The following SSPN variants were observed in gnomAD, a reference collection of about 807,000 sequenced individuals.
The protein encoded by SSPN is sarcospan, also known as K-ras oncogene-associated protein.
In SSPN, 15 loss-of-function variants were observed where a neutral mutation model predicts 19.1. That is an observed-to-expected ratio of 0.78 (90% CI 0.52 to 1.21). The LOEUF (loss-of-function observed/expected upper bound fraction) is 1.21. Ranked by LOEUF, SSPN falls within the 50% of genes most tolerant of loss-of-function variation. The probability of loss-of-function intolerance (pLI) is 0.00; values close to 1 mark genes in which losing one functional copy is unlikely to be tolerated. For synonymous variants in SSPN, 147 were observed against 140.3 expected (o/e 1.05, Z -0.34); for missense variants, 291 against 314.0 (o/e 0.93, Z 0.55).
At chr12:26,146,917 A>G (rs1944495604) in intron 1 of SSPN, among the ~76,000 whole-genome samples, 1 of 152,184 alleles carries the variant, frequency 6.6e-6, no homozygotes, top group African/African-American at 2.4e-5. Context: ...CAGTATGTAT[A>G]TTACATACTT....
rs190375136 is a variant in SSPN, at chr12:26,148,537, C to T, written c.-31+26385C>T. 2.3e-3 allele frequency among the ~76,000 whole-genome samples: 343 copies of T among 152,252 alleles called. 1 individual carries two copies. The highest frequency in any genetic ancestry group is 8.1e-3 in the African/African-American group (335 of 41,558). Reference sequence around the variant, plus strand: ...GTGGATGTAAGTGAAAAATTCAAGGCTTGGAGCAGGCCGTGATTCCTCTAC... The same window carrying T: ...GTGGATGTAAGTGAAAAATTCAAGGTTTGGAGCAGGCCGTGATTCCTCTAC... On this transcript the variant is annotated intron_variant, in intron 1 of 2. Coordinates refer to the SSPN transcript ENST00000538142.
chr12:26,122,570 C>T (rs1944320148), intron 1 of SSPN: 7 of 1,118,016 alleles, frequency 6.3e-6, no homozygotes, highest in Non-Finnish European at 7.6e-6. Context: ...CGGGTCTCAG[C>T]AGCGCGGCCG....
In SSPN at chr12:26,232,064, G is replaced by A. The variant is rs952291182; in HGVS notation, c.*988G>A. ...AACACCCATTTAAACAAAAACAAGA[G>A]CATTTGTAATAGGAAGTGTTTATAC... On this transcript the variant is annotated 3_prime_UTR_variant, in exon 3 of 3. Coordinates refer to ENST00000242729, the MANE Select transcript of SSPN (RefSeq NM_005086.5). 4.1e-5 allele frequency: 40 copies of A among 985,166 alleles called. 1 individual carries two copies. The African/African-American group carries it at 4.5e-4, about 11-fold the overall frequency. The allele number at this position is 985,166 out of a possible 1,614,324, so 61.0% of individuals were successfully genotyped here.
intron 1 of SSPN, among the ~76,000 whole-genome samples, chr12:26,223,531 TG>T (rs1945145219): frequency 6.6e-6 from 1 of 152,240 alleles, no homozygotes; most frequent in Admixed American, 6.5e-5. Flanking sequence ...TTTTAAACTA[TG>T]GGTGTGCATT....
intron 2 of SSPN, among the ~76,000 whole-genome samples, chr12:26,225,837 A>G (rs1025087912): frequency 4.0e-5 from 6 of 151,826 alleles, no homozygotes; most frequent in African/African-American, 1.5e-4. Context: ...GAACACCCCA[A>G]ACTAGGTTTT....
In SSPN at chr12:26,174,511, T is replaced by TCCTTCCTTCCTTC. The variant is rs1565678369; in HGVS notation, c.-30-49780_-30-49768dup. ...TCCTTCCTTCCTTCCTTCCCTTCCT[T>TCCTTCCTTCCTTC]CCTTCCTTCCTTCCTTCCTTTCTTT... On this transcript the variant is annotated intron_variant, in intron 1 of 2. Coordinates refer to the SSPN transcript ENST00000538142. Among the ~76,000 whole-genome samples, 84 of 145,876 alleles carry TCCTTCCTTCCTTC rather than the reference T, an allele frequency of 5.8e-4. 1 individual carries two copies. In the East Asian group the frequency reaches 7.0e-3, roughly 12 times the overall value.
At chr12:26,147,256 T>C (rs1261508212) in intron 1 of SSPN, among the ~76,000 whole-genome samples, 3 of 129,074 alleles carry the variant, frequency 2.3e-5, no homozygotes, top group Non-Finnish European at 4.9e-5. Context: ...ATGAAAACGA[T>C]AATTTTTGGG....
intron 1 of SSPN, among the ~76,000 whole-genome samples, chr12:26,132,702 T>A (rs1056993443): frequency 6.6e-6 from 1 of 152,186 alleles, no homozygotes; most frequent in African/African-American, 2.4e-5. Flanking sequence ...CATATACAAT[T>A]TCACTGTATG....
At chr12:26,124,832 A>G (rs1433845421) in intron 1 of SSPN, 1 of 1,576,034 alleles carries the variant, frequency 6.3e-7, no homozygotes, top group African/African-American at 1.4e-5. Context: ...CTGTACAATA[A>G]TCTGTGGGAC....
intron 1 of SSPN, among the ~76,000 whole-genome samples, chr12:26,207,827 C>CA (rs956625382): frequency 3.3e-5 from 5 of 151,996 alleles, no homozygotes; most frequent in Non-Finnish European, 7.4e-5. Flanking sequence ...CCCGTCTCTA[C>CA]AAAAAATACT....
At chr12:26,191,696 AC>A (rs1591870893), upstream of SSPN, among the ~76,000 whole-genome samples, 18 of 69,834 alleles carry the variant, frequency 2.6e-4, no homozygotes, top group Admixed American at 2.1e-3. Context: ...ACACACACAC[AC>A]ACACACACAC....
chr12:26,125,219 G>A, intron 1 of SSPN: 1 of 262,594 alleles, frequency 3.8e-6, no homozygotes, highest in South Asian at 4.4e-5. Context: ...CAGGGCCACC[G>A]GAAAGGAAAA....
chr12:26,221,572 G>C (rs778336782), intron 1 of SSPN, among the ~76,000 whole-genome samples: 2 of 151,130 alleles, frequency 1.3e-5, no homozygotes, highest in African/African-American at 4.8e-5. Context: ...CTTTCTGGAA[G>C]CCAGGGTAAA....
rs1469005836 is a variant in SSPN at position 26,232,381 on chromosome 12, T to C, written c.*1305T>C. ...GGAGACTTCTCTCTGTGATTATTGT[T>C]GCTATTAAATTCTGAACTGTATCCA... On this transcript the variant is annotated 3_prime_UTR_variant, in exon 3 of 3. Transcript: ENST00000242729. 1.0e-6 allele frequency: 1 copy of C among 985,352 alleles called. No homozygotes were observed. Among genetic ancestry groups the C allele is most frequent in the African/African-American group, 1.7e-5 (1 of 57,242 alleles). The allele number at this position is 985,352 out of a possible 1,614,324, so 61.0% of individuals were successfully genotyped here. A position where few individuals can be genotyped will look rare whatever the true frequency, so the allele number is the denominator to read the frequency against.
intron 1 of SSPN, among the ~76,000 whole-genome samples, chr12:26,131,185 T>G (rs1253990749): frequency 2.0e-5 from 3 of 152,234 alleles, no homozygotes; most frequent in African/African-American, 7.2e-5. Flanking sequence ...TAATTCCAAT[T>G]TCAGAAAAAT....
intron 1 of SSPN, among the ~76,000 whole-genome samples, chr12:26,208,825 CA>C (rs1944955072): frequency 6.6e-6 from 1 of 152,142 alleles, no homozygotes; most frequent in Non-Finnish European, 1.5e-5. Flanking sequence ...CGGTCCCTTT[CA>C]TAGTGATCTG....
chr12:26,124,895 C>T (rs1944349931), intron 1 of SSPN: 9 of 1,043,346 alleles, frequency 8.6e-6, no homozygotes, highest in South Asian at 1.3e-5. Flanking sequence ...CTCTCTCTCG[C>T]TCTCCCTCTT....
chr12:26,223,755 G>A (rs555289262), intron 1 of SSPN, among the ~76,000 whole-genome samples: 2 of 152,144 alleles, frequency 1.3e-5, no homozygotes, highest in Non-Finnish European at 2.9e-5. Context: ...AACAATTACA[G>A]GAGGAATACA....
At position 26,232,704 on chromosome 12, in the gene SSPN, G is replaced by A. The variant is rs1591901906; in HGVS notation, c.*1628G>A. The A allele has an allele frequency of 4.1e-6, 4 of 984,764 alleles. No homozygotes were observed. Among genetic ancestry groups the A allele is most frequent in the East Asian group, 1.1e-4 (1 of 8,806 alleles). The allele number at this position is 984,764 out of a possible 1,614,324, so 61.0% of individuals were successfully genotyped here. On this transcript the variant is annotated 3_prime_UTR_variant, in exon 3 of 3. Transcript: ENST00000242729. ...CGTTAAGTCGGTAAGCTAGAGGATT[G>A]TAAATATCTTTTATGTCCTCTAGAT...
Sources: allele counts gnomAD v4.1 joint callset (sites outside exome capture counted in the v4.1 genomes callset), GRCh38; gene constraint gnomAD v4.1.1; transcripts MANE v1.5; gene names NCBI Gene and HGNC (gene_info 2026-07-23, HGNC 2026-07-21).